Variants in SNAP91 observed in about 807,000 individuals in gnomAD.
SNAP91 encodes the protein synaptosome associated protein 91.
A neutral mutation model predicts 100.3 loss-of-function variants in SNAP91; 27 were observed. The ratio of observed to expected loss-of-function variants is 0.27; its 90% CI spans 0.20 to 0.37. The LOEUF (loss-of-function observed/expected upper bound fraction) is 0.37. SNAP91 is among the 10% of genes least tolerant of loss of function. SNAP91 has a pLI of 1.00. For missense variants in SNAP91, 986 were observed against 1,123.7 expected (o/e 0.88, Z 1.75); for synonymous variants, 404 against 398.6 (o/e 1.01, Z -0.16).
At chr6:83,605,933 GA>G (rs1192810266) in intron 13 of SNAP91, 130 bp from the exon 14 acceptor site, 3 of 817,100 alleles carry the variant, frequency 3.7e-6, no homozygotes, top group East Asian at 2.8e-5. Flanking sequence ...TAATACTTTG[GA>G]AAGTATAGAG....
At chr6:83,606,938 T>C (rs2095652853) in intron 13 of SNAP91, among the ~76,000 whole-genome samples, 1 of 152,144 alleles carries the variant, frequency 6.6e-6, no homozygotes, top group Non-Finnish European at 1.5e-5. Context: ...TATTATAAAA[T>C]GCAGAACTAA....
chr6:83,676,179 T>C (rs2098889586), intron 2 of SNAP91, among the ~76,000 whole-genome samples: 1 of 152,114 alleles, frequency 6.6e-6, no homozygotes, highest in African/African-American at 2.4e-5. Context: ...CATTTTTATT[T>C]AGTGCCTGCT....
At chr6:83,588,565 G>C (rs190067830) in intron 22 of SNAP91, among the ~76,000 whole-genome samples, 5 of 152,322 alleles carry the variant, frequency 3.3e-5, no homozygotes, top group Admixed American at 3.3e-4. Context: ...ATACCAAGCT[G>C]TGCAGCTGTG....
At chr6:83,620,568 C>T (rs1171358950) in intron 9 of SNAP91, among the ~76,000 whole-genome samples, 2 of 152,150 alleles carry the variant, frequency 1.3e-5, no homozygotes, top group African/African-American at 2.4e-5. Context: ...TTAGACCTGC[C>T]GAGGGGCTCT....
rs551332677 is a variant in SNAP91, at chr6:83,629,392, C to T, written c.766-6050G>A. On this transcript the variant is annotated intron_variant, in intron 8 of 29. Transcript: ENST00000369694. ...ATTTTAGAATTGTTTTTTTCTAATTCTGTGAAGAATAGTGAATTTTGATGG... is the reference window on the plus strand; with the variant it reads ...ATTTTAGAATTGTTTTTTTCTAATTTTGTGAAGAATAGTGAATTTTGATGG... Among the ~76,000 whole-genome samples the T allele has an allele frequency of 3.3e-5, 5 of 152,018 alleles. 1 individual carries two copies. The South Asian group carries it at 1.0e-3, about 32-fold the overall frequency.
At chr6:83,666,618 G>A (rs2098691580) in intron 2 of SNAP91, among the ~76,000 whole-genome samples, 1 of 152,036 alleles carries the variant, frequency 6.6e-6, no homozygotes, top group African/African-American at 2.4e-5. Context: ...CACAATAAAT[G>A]TTTTTAAAAA....
Position 83,665,568 on chromosome 6 carries a change from A to G in SNAP91, c.144T>C (p.Ala48=). 6.2e-7 allele frequency: 1 copy of G among 1,610,334 alleles called. No individual in the cohort carries two copies. Among genetic ancestry groups the G allele is most frequent in the Non-Finnish European group, 8.5e-7 (1 of 1,178,666 alleles). ...GAATATTAACATTGGTCTCGTTGGT[A>G]GCCTGGATCAAATCTATGAAAATAG... ...KKKHLDYLIQ[A]TNETNVNIPQ... The change falls in exon 3 of 30, where the codon GCT becomes GCC. Residue 48 remains alanine (A), a synonymous_variant. Coordinates refer to ENST00000369694, the MANE Select transcript of SNAP91 (RefSeq NM_001242792.2).
At chr6:83,592,195 A>C (rs1212917773) in intron 21 of SNAP91, among the ~76,000 whole-genome samples, 1 of 152,194 alleles carries the variant, frequency 6.6e-6, no homozygotes, top group East Asian at 1.9e-4. Flanking sequence ...CTACATTAGG[A>C]TGAAGAACAA....
At chr6:83,659,662 C>A (rs1160906095) in intron 5 of SNAP91, among the ~76,000 whole-genome samples, 1 of 151,954 alleles carries the variant, frequency 6.6e-6, no homozygotes, top group Non-Finnish European at 1.5e-5. Context: ...AAACTCCTGA[C>A]CTCACAGAGT....
chr6:83,577,459 T>C (rs1457044320), intron 24 of SNAP91, among the ~76,000 whole-genome samples: 1 of 152,166 alleles, frequency 6.6e-6, no homozygotes, highest in Non-Finnish European at 1.5e-5. Flanking sequence ...TTTATGCCTG[T>C]TCATGTGAAA....
At chr6:83,664,400 T>C (rs1341562850) in intron 3 of SNAP91, among the ~76,000 whole-genome samples, 1 of 152,084 alleles carries the variant, frequency 6.6e-6, no homozygotes, top group Non-Finnish European at 1.5e-5. Context: ...CATTTGTGAT[T>C]CATGGGAGGA....
At chr6:83,589,882 T>A (rs2093466246) in intron 22 of SNAP91, among the ~76,000 whole-genome samples, 1 of 152,188 alleles carries the variant, frequency 6.6e-6, no homozygotes, top group African/African-American at 2.4e-5. Context: ...TTCCTCAGCT[T>A]GCTGTACCTG....
In SNAP91 at chr6:83,680,107, AT is replaced by A. The variant is rs2098966977; in HGVS notation, c.131-14527del. On this transcript the variant is annotated intron_variant, in intron 2 of 29. Coordinates refer to ENST00000369694, the MANE Select transcript of SNAP91 (RefSeq NM_001242792.2). ...CAGAACCTTCTGGGTCACCCAGATA[AT>A]TTATGCCAAATAAAAGGCTAGACCT... Among the ~76,000 whole-genome samples, 4 of 152,202 alleles carry A rather than the reference AT, an allele frequency of 2.6e-5. No homozygotes were observed. The South Asian group carries it at 8.3e-4, about 32-fold the overall frequency.
intron 6 of SNAP91, among the ~76,000 whole-genome samples, chr6:83,658,405 C>T (rs1201774346): frequency 1.3e-5 from 2 of 151,964 alleles, no homozygotes; most frequent in African/African-American, 2.4e-5. Context: ...GTAAGGAGAT[C>T]GAGACCATCC....
chr6:83,556,275 A>G, intron 28 of SNAP91, 30 bp from the exon 29 acceptor site: 2 of 1,058,002 alleles, frequency 1.9e-6, no homozygotes, highest in Non-Finnish European at 1.3e-6. Context: ...CCCAAAGAGC[A>G]GGAATAGAAA....
intron 26 of SNAP91, among the ~76,000 whole-genome samples, chr6:83,568,512 T>G: frequency 6.7e-6 from 1 of 149,410 alleles, no homozygotes; most frequent in African/African-American, 2.5e-5. Context: ...TAATAATAAC[T>G]TAATAGGTCT....
At chr6:83,675,975 C>A (rs1320146914) in intron 2 of SNAP91, among the ~76,000 whole-genome samples, 1 of 151,796 alleles carries the variant, frequency 6.6e-6, no homozygotes, top group Non-Finnish European at 1.5e-5. Context: ...GGCTAGACAT[C>A]ATCATCTCTA....
At chr6:83,688,118 G>A (rs2099084934) in intron 2 of SNAP91, among the ~76,000 whole-genome samples, 1 of 152,042 alleles carries the variant, frequency 6.6e-6, no homozygotes, top group East Asian at 1.9e-4. Context: ...TTTCATATAT[G>A]ACCCCATAGC....
intron 11 of SNAP91, among the ~76,000 whole-genome samples, 166 bp from the exon 12 acceptor site, chr6:83,610,843 C>T (rs1356650180): frequency 1.4e-5 from 2 of 148,030 alleles, no homozygotes; most frequent in Non-Finnish European, 3.0e-5. Context: ...AAATAATGGA[C>T]AGGCTATTTT....
Sources: allele counts gnomAD v4.1 joint callset (sites outside exome capture counted in the v4.1 genomes callset), GRCh38; gene constraint gnomAD v4.1.1; transcripts MANE v1.5; gene names NCBI Gene and HGNC (gene_info 2026-07-23, HGNC 2026-07-21).